Variants in SH3PXD2A observed in about 807,000 individuals in gnomAD.
The protein encoded by SH3PXD2A is SH3 and PX domains 2A.
In SH3PXD2A, 32 loss-of-function variants were observed where a neutral mutation model predicts 115.2. The observed-to-expected ratio is 0.28, with a 90% CI of 0.21 to 0.37. The LOEUF (loss-of-function observed/expected upper bound fraction) is 0.37. Among genes scored for constraint, SH3PXD2A ranks in the 10% least tolerant of loss-of-function variants. The pLI is 1.00. For missense variants in SH3PXD2A, 1,328 were observed against 1,498.7 expected (o/e 0.89, Z 1.88); for synonymous variants, 610 against 629.1 (o/e 0.97, Z 0.45).
intron 1 of SH3PXD2A, among the ~76,000 whole-genome samples, chr10:103,806,071 T>C (rs1355754822): frequency 6.6e-6 from 1 of 152,152 alleles, no homozygotes; most frequent in African/African-American, 2.4e-5. Flanking sequence ...TGGCAAAGGA[T>C]TGTTCCTGCT....
At chr10:103,790,628 G>A (rs541586341) in intron 2 of SH3PXD2A, among the ~76,000 whole-genome samples, 16 of 152,216 alleles carry the variant, frequency 1.1e-4, no homozygotes, top group East Asian at 5.8e-4. Context: ...ATCAGAGGGC[G>A]GCCAGTTAGT....
intron 5 of SH3PXD2A, among the ~76,000 whole-genome samples, chr10:103,701,101 CATCT>C: frequency 2.6e-5 from 1 of 38,862 alleles, no homozygotes; most frequent in African/African-American, 8.3e-5. Context: ...ACCATCTATC[CATCT>C]ACCATCCAGC....
chr10:103,692,913 C>A, intron 6 of SH3PXD2A, 115 bp downstream of exon 6: 1 of 854,310 alleles, frequency 1.2e-6, no homozygotes, highest in Non-Finnish European at 1.9e-6. Flanking sequence ...CGTAGGCTGG[C>A]GTGCAAGGAC....
chr10:103,662,415 C>T (rs1278720614), intron 7 of SH3PXD2A, among the ~76,000 whole-genome samples: 2 of 80,948 alleles, frequency 2.5e-5, no homozygotes, highest in Admixed American at 1.9e-4. Flanking sequence ...TTTTTTGAGA[C>T]GGAGTCTCGC....
chr10:103,825,604 C>T (rs866865438), intron 1 of SH3PXD2A, among the ~76,000 whole-genome samples: 21 of 152,180 alleles, frequency 1.4e-4, no homozygotes, highest in African/African-American at 4.8e-4. Flanking sequence ...AAAATATCAT[C>T]CAAGTCACTG....
Position 103,596,284 on chromosome 10 carries a change from A to G in SH3PXD2A, c.*5532T>C, listed in dbSNP as rs2036130537. On this transcript the variant is annotated 3_prime_UTR_variant, in exon 15 of 15. Coordinates refer to ENST00000369774, the MANE Select transcript of SH3PXD2A (RefSeq NM_001394015.1). Reference sequence around the variant, plus strand: ...TGACACGTCTGCAGGGGATGACCTAACTGAACCAACTCAGTGTTTCTATTC... The same window carrying G: ...TGACACGTCTGCAGGGGATGACCTAGCTGAACCAACTCAGTGTTTCTATTC... 1 of 152,526 alleles carries G rather than the reference A, an allele frequency of 6.6e-6. No individual in the cohort carries two copies. Among genetic ancestry groups the G allele is most frequent in the Non-Finnish European group, 1.5e-5 (1 of 68,032 alleles). 9.4% of individuals were successfully genotyped at this position (152,526 alleles called of 1,614,324 possible).
chr10:103,835,496 A>G (rs113069852), intron 1 of SH3PXD2A, among the ~76,000 whole-genome samples: 3 of 152,356 alleles, frequency 2.0e-5, no homozygotes, highest in Middle Eastern at 3.4e-3. Context: ...ACACCTGGAT[A>G]TGGAATCTCC....
chr10:103,707,170 A>G (rs1393658698), intron 5 of SH3PXD2A, among the ~76,000 whole-genome samples: 1 of 151,584 alleles, frequency 6.6e-6, no homozygotes, highest in East Asian at 1.9e-4. Flanking sequence ...GGTGCTTACT[A>G]TGTGCTAGCC....
chr10:103,735,817 G>A lies in SH3PXD2A; in HGVS notation c.230-9C>T. ...GCGGAAGAGGATCTTGCCTGGAAGAGAGATGCTCATGAGTGGGGGATTCTG... is the reference window on the plus strand; with the variant it reads ...GCGGAAGAGGATCTTGCCTGGAAGAAAGATGCTCATGAGTGGGGGATTCTG... On this transcript the variant is annotated splice_polypyrimidine_tract_variant and intron_variant, in intron 3 of 14. Coordinates refer to ENST00000369774, the MANE Select transcript of SH3PXD2A (RefSeq NM_001394015.1). 5 of 1,612,202 alleles carry A rather than the reference G, an allele frequency of 3.1e-6. No individual in the cohort carries two copies. Among genetic ancestry groups the A allele is most frequent in the Non-Finnish European group, 3.4e-6 (4 of 1,178,302 alleles).
intron 13 of SH3PXD2A, among the ~76,000 whole-genome samples, chr10:103,606,908 G>A (rs915348662): frequency 1.3e-5 from 2 of 152,134 alleles, no homozygotes; most frequent in Non-Finnish European, 2.9e-5. Flanking sequence ...GCCTCTGCCC[G>A]GCCGCCACCC....
At chr10:103,773,425 C>A (rs950043833) in intron 2 of SH3PXD2A, among the ~76,000 whole-genome samples, 2 of 148,818 alleles carry the variant, frequency 1.3e-5, no homozygotes, top group African/African-American at 5.0e-5. Flanking sequence ...TGTGGTTTTT[C>A]TTCTCTTTTC....
Position 103,601,772 on chromosome 10 carries a change from C to T in SH3PXD2A, c.*44G>A, listed in dbSNP as rs370424495. On this transcript the variant is annotated 3_prime_UTR_variant, in exon 15 of 15. Transcript: ENST00000369774. ...TTCGTCTCACCGCTCATCCAGTGGGCGGCCAGAGAGGCACACTGAGGCTGG... is the reference window on the plus strand; with the variant it reads ...TTCGTCTCACCGCTCATCCAGTGGGTGGCCAGAGAGGCACACTGAGGCTGG... 5.4e-5 allele frequency: 65 copies of T among 1,204,312 alleles called. No individual in the cohort carries two copies. The highest frequency in any genetic ancestry group is 2.4e-4 in the South Asian group (11 of 45,892). 74.6% of individuals were successfully genotyped at this position (1,204,312 alleles called of 1,614,324 possible).
chr10:103,602,696 G>A lies in SH3PXD2A; in HGVS notation c.2522C>T (p.Pro841Leu), dbSNP rs370213162. 2.5e-6 allele frequency: 4 copies of A among 1,614,048 alleles called. No individual in the cohort carries two copies. Among genetic ancestry groups the A allele is most frequent in the Non-Finnish European group, 3.4e-6 (4 of 1,180,044 alleles). ...PCPTKKEWEG[P>L]ATSYMTCSAY... is the part of the protein sequence containing the mutation. ...GCTGCATGTCATGTACGAGGTGGCT[G>A]GCCCTTCCCATTCCTTCTTGGTGGG... Residue 841 changes from proline (P) to leucine (L), a missense_variant, in exon 15 of 15, where the codon CCA becomes CTA. Physicochemically the swap from Pro to Leu is moderately conservative, Grantham distance 98. Transcript: ENST00000369774.
intron 5 of SH3PXD2A, among the ~76,000 whole-genome samples, chr10:103,700,651 A>G (rs2037881997): frequency 6.6e-6 from 1 of 152,190 alleles, no homozygotes. Context: ...AGGAATACAC[A>G]GTTGATTTCT....
chr10:103,805,559 C>T (rs1172942980), intron 1 of SH3PXD2A, among the ~76,000 whole-genome samples: 1 of 152,232 alleles, frequency 6.6e-6, no homozygotes, highest in African/African-American at 2.4e-5. Context: ...CCAGAGCATC[C>T]CCCCTCGGAA....
At position 103,607,638 on chromosome 10, in the gene SH3PXD2A, C is replaced by T. The variant is rs1035069742; in HGVS notation, c.1309-1721G>A. Among the ~76,000 whole-genome samples, 111 of 152,342 alleles carry T rather than the reference C, an allele frequency of 7.3e-4. 1 individual carries two copies. The highest frequency in any genetic ancestry group is 2.5e-3 in the African/African-American group (104 of 41,582). On this transcript the variant is annotated intron_variant, in intron 13 of 14. Transcript: ENST00000369774. ...GAGCCCCTCTGCCCGGCCACCACCC[C>T]GTCTGGGAGGTGTACCCAACAGCTC...
At chr10:103,676,932 C>A (rs1236049455) in intron 6 of SH3PXD2A, among the ~76,000 whole-genome samples, 1 of 152,190 alleles carries the variant, frequency 6.6e-6, no homozygotes, top group African/African-American at 2.4e-5. Flanking sequence ...TCCAGCTCCC[C>A]CAGAAGCCCG....
intron 6 of SH3PXD2A, among the ~76,000 whole-genome samples, chr10:103,671,413 A>G (rs982327061): frequency 2.6e-5 from 4 of 152,214 alleles, no homozygotes; most frequent in Non-Finnish European, 5.9e-5. Flanking sequence ...TTCAGTCCCC[A>G]TAAGCAGGCC....
intron 6 of SH3PXD2A, 29 bp downstream of exon 6, chr10:103,692,999 G>A (rs756155341): frequency 9.1e-5 from 146 of 1,604,794 alleles, no homozygotes; most frequent in Non-Finnish European, 1.2e-4. Context: ...AAGGAAGGCT[G>A]AAGGGAAAAC....
Sources: allele counts gnomAD v4.1 joint callset (sites outside exome capture counted in the v4.1 genomes callset), GRCh38; gene constraint gnomAD v4.1.1; transcripts MANE v1.5; gene names NCBI Gene and HGNC (gene_info 2026-07-23, HGNC 2026-07-21).